The following ABCA1 variants were observed in gnomAD, a reference collection of about 807,000 sequenced individuals.
ABCA1 encodes phospholipid-transporting ATPase ABCA1.
ABCA1 carries 133 observed loss-of-function variants against 262.5 expected under a neutral mutation model. The ratio of observed to expected loss-of-function variants is 0.51; its 90% confidence interval spans 0.44 to 0.59. The LOEUF is 0.59. Among genes scored for constraint, ABCA1 ranks in the 20% least tolerant of loss-of-function variants. The pLI, the probability that ABCA1 is intolerant of heterozygous loss-of-function variation, is 0.00. For missense variants in ABCA1, 2,452 were observed against 2,777.5 expected, an observed-to-expected ratio of 0.88 and a Z score of 2.63; for synonymous variants, 1,022 against 1,043.5, an observed-to-expected ratio of 0.98 and a Z score of 0.40.
At chr9:104,810,962 G>A in intron 28 of ABCA1, 38 bp from the exon 29 acceptor site, 1 of 1,613,628 alleles carries the variant, frequency 6.2e-7, no homozygotes, top group South Asian at 1.1e-5. Flanking sequence ...GGGACAGCAG[G>A]AAACGGCAAG....
At chr9:104,901,121 T>C (rs1840629942) in intron 2 of ABCA1, among the ~76,000 whole-genome samples, 2 of 152,206 alleles carry the variant, frequency 1.3e-5, no homozygotes, top group South Asian at 2.1e-4. Flanking sequence ...TGTTGCAGGA[T>C]TCCTTCCCTG....
rs916355113 is a variant in ABCA1, at chr9:104,928,007, AGAACC to A, written c.-170_-166del. ...AGCCTTCCGGAGAAGGGGAGAAAAC[AGAACC>A]GGGGAAAAAACAAGGAGCAAAGCGC... On this transcript the variant is annotated 5_prime_UTR_variant, in exon 1 of 50. Transcript: ENST00000374736. 1.3e-5 allele frequency: 2 copies of A among 152,234 alleles called. No homozygotes were observed. Among genetic ancestry groups the A allele is most frequent in the Non-Finnish European group, 2.9e-5 (2 of 68,062 alleles). The allele number at this position is 152,234 out of a possible 1,614,324, so 9.4% of individuals were successfully genotyped here.
chr9:104,839,228 C>T (rs545037394), intron 9 of ABCA1, among the ~76,000 whole-genome samples: 1 of 152,316 alleles, frequency 6.6e-6, no homozygotes, highest in East Asian at 1.9e-4. Context: ...GGTTCTTTAA[C>T]ACTGCCTTGC....
At position 104,812,737 on chromosome 9, in the gene ABCA1, C is replaced by T. The variant is rs770951313; in HGVS notation, c.3902-15G>A. ...CTCTCTGGATTCTGCAAGAAGCCAACACTGAAGGTCACCTATTATCTTAGG... is the reference window on the plus strand; with the variant it reads ...CTCTCTGGATTCTGCAAGAAGCCAATACTGAAGGTCACCTATTATCTTAGG... On this transcript the variant is annotated splice_polypyrimidine_tract_variant and intron_variant, in intron 27 of 49. Transcript: ENST00000374736. 6.2e-7 allele frequency: 1 copy of T among 1,614,216 alleles called. No individual in the cohort carries two copies. Among genetic ancestry groups the T allele is most frequent in the Admixed American group, 1.7e-5 (1 of 60,030 alleles).
At chr9:104,826,002 A>T in intron 16 of ABCA1, 115 bp from the exon 17 acceptor site, 1 of 1,022,092 alleles carries the variant, frequency 9.8e-7, no homozygotes, top group Non-Finnish European at 1.5e-6. Flanking sequence ...ATCAATCATA[A>T]GGTGCAGAAG....
At chr9:104,813,111 A>G (rs1273601840) in intron 27 of ABCA1, among the ~76,000 whole-genome samples, 1 of 152,270 alleles carries the variant, frequency 6.6e-6, no homozygotes, top group African/African-American at 2.4e-5. Context: ...AATGGCAATT[A>G]GCATCTCAGC....
intron 7 of ABCA1, chr9:104,855,906 A>G: frequency 6.2e-7 from 1 of 1,612,868 alleles, no homozygotes; most frequent in Non-Finnish European, 8.5e-7. Context: ...TCACGCACAC[A>G]CAAAAGGAGA....
At chr9:104,805,036 T>A (rs1588246369) in intron 31 of ABCA1, among the ~76,000 whole-genome samples, 1 of 152,352 alleles carries the variant, frequency 6.6e-6, no homozygotes, top group East Asian at 1.9e-4. Context: ...AAATCTTCTG[T>A]TCACTGGAGT....
intron 1 of ABCA1, among the ~76,000 whole-genome samples, chr9:104,909,568 C>T (rs1841369777): frequency 6.7e-6 from 1 of 150,058 alleles, no homozygotes; most frequent in Non-Finnish European, 1.5e-5. Flanking sequence ...ACCTGGAATA[C>T]CAGACAGCAG....
intron 5 of ABCA1, among the ~76,000 whole-genome samples, chr9:104,880,112 G>A (rs913731245): frequency 6.6e-6 from 1 of 152,140 alleles, no homozygotes; most frequent in Non-Finnish European, 1.5e-5. Flanking sequence ...GTAGATCCCC[G>A]CCCTGGGAAG....
At chr9:104,841,936 G>A (rs1299979221) in intron 8 of ABCA1, among the ~76,000 whole-genome samples, 3 of 152,192 alleles carry the variant, frequency 2.0e-5, no homozygotes, top group African/African-American at 7.2e-5. Context: ...ATAAATCCCT[G>A]TATTCCTGGA....
chr9:104,865,502 C>T (rs1036795977), intron 5 of ABCA1, among the ~76,000 whole-genome samples: 68 of 133,626 alleles, frequency 5.1e-4, no homozygotes, highest in African/African-American at 2.0e-3. Flanking sequence ...GGTGACAGAG[C>T]GAGACTCTGT....
In ABCA1 at chr9:104,796,198, C is replaced by A. The variant is rs904587294; in HGVS notation, c.5238-1G>T. On this transcript the variant is annotated splice_acceptor_variant, in intron 38 of 49. Transcript: ENST00000374736. LOFTEE classifies it high-confidence loss of function. ...GTACATGAGAGGTGTGATTGACCAC[C>A]TGTTGAGACACAAAAAGATAAGTGT... The A allele has an allele frequency of 1.2e-6, 2 of 1,614,170 alleles. No homozygotes were observed. Among genetic ancestry groups the A allele is most frequent in the African/African-American group, 2.7e-5 (2 of 75,064 alleles).
rs56000254 is a variant in ABCA1, at chr9:104,897,697, G to A, written c.66+5917C>T. 3.2e-3 allele frequency among the ~76,000 whole-genome samples: 490 copies of A among 152,314 alleles called. 5 individuals are homozygous for A. The highest frequency in any genetic ancestry group is 0.011 in the African/African-American group (456 of 41,572). On this transcript the variant is annotated intron_variant, in intron 2 of 49. Transcript: ENST00000374736. ...GGCTCACTGCAACTTCCACCTGCCAGGTTCAAGCAAATTCTCCTGCCTCAC... is the reference window on the plus strand; with the variant it reads ...GGCTCACTGCAACTTCCACCTGCCAAGTTCAAGCAAATTCTCCTGCCTCAC...
intron 5 of ABCA1, 123 bp downstream of exon 5, chr9:104,882,916 C>G: frequency 9.8e-7 from 1 of 1,024,372 alleles, no homozygotes; most frequent in Non-Finnish European, 1.5e-6. Flanking sequence ...GGCCAGCCAC[C>G]AAGGAGAAAA....
chr9:104,926,845 G>C (rs974308698), intron 1 of ABCA1, among the ~76,000 whole-genome samples: 1 of 152,244 alleles, frequency 6.6e-6, no homozygotes, highest in African/African-American at 2.4e-5. Flanking sequence ...GGGCTGCAGG[G>C]AACGTGGGAG....
intron 5 of ABCA1, among the ~76,000 whole-genome samples, chr9:104,881,016 G>A (rs1838598200): frequency 6.6e-6 from 1 of 152,144 alleles, no homozygotes; most frequent in African/African-American, 2.4e-5. Context: ...GGGCATGGTG[G>A]AGCATGCCTA....
At chr9:104,918,555 T>C (rs1841966806) in intron 1 of ABCA1, among the ~76,000 whole-genome samples, 1 of 152,232 alleles carries the variant, frequency 6.6e-6, no homozygotes, top group African/African-American at 2.4e-5. Flanking sequence ...GCTGAACAAA[T>C]AAATTTGTTT....
chr9:104,804,649 C>A lies in ABCA1; in HGVS notation c.4536G>T (p.Thr1512=), dbSNP rs41277763. The part of the protein sequence containing the change: ...GRNISDYLVK[T]YVQIIAKSLK... ...ACCTTTTGGCTATGATCTGCACATA[C>A]GTCTTCACCAGATAATCCGAAATGT... Residue 1512 remains threonine (T), a synonymous_variant, in exon 32 of 50, where the codon ACG becomes ACT. Transcript: ENST00000374736. 0.019 allele frequency: 29,958 copies of A among 1,614,048 alleles called. 373 individuals carry two copies. The highest frequency in any genetic ancestry group is 0.021 in the Non-Finnish European group (25,305 of 1,179,896).
Sources: allele counts gnomAD v4.1 joint callset (sites outside exome capture counted in the v4.1 genomes callset), GRCh38; gene constraint gnomAD v4.1.1; transcripts MANE v1.5; gene names NCBI Gene and HGNC (gene_info 2026-07-23, HGNC 2026-07-21).